The following PLAAT1 variants were observed in gnomAD, a reference collection of about 807,000 sequenced individuals.
PLAAT1 encodes H-REV107 protein-related protein.
Under a neutral mutation model 16.4 loss-of-function variants are expected in PLAAT1, and 13 were observed. The observed-to-expected ratio is 0.79, with a 90% confidence interval of 0.52 to 1.26. PLAAT1 has a LOEUF of 1.26. Among genes scored for constraint, PLAAT1 ranks in the 50% most tolerant of loss-of-function variants. The pLI is 0.00. For synonymous variants in PLAAT1, 73 were observed against 78.4 expected, an observed-to-expected ratio of 0.93 and a Z score of 0.36; for missense variants, 218 against 207.8, an observed-to-expected ratio of 1.05 and a Z score of -0.30.
chr3:193,263,879 C>T (rs1003315992), intron 3 of PLAAT1, among the ~76,000 whole-genome samples: 2 of 152,070 alleles, frequency 1.3e-5, no homozygotes, highest in South Asian at 2.1e-4. Context: ...ACAGCATGTT[C>T]GTCTTTTCCC....
At chr3:193,258,892 C>T (rs1468892363) in intron 2 of PLAAT1, among the ~76,000 whole-genome samples, 3 of 152,090 alleles carry the variant, frequency 2.0e-5, no homozygotes, top group Non-Finnish European at 4.4e-5. Flanking sequence ...GGGCTCCTTC[C>T]TAACTCATTC....
At chr3:193,241,944 A>G (rs1715771011) in intron 1 of PLAAT1, among the ~76,000 whole-genome samples, 1 of 152,152 alleles carries the variant, frequency 6.6e-6, no homozygotes, top group Non-Finnish European at 1.5e-5. Flanking sequence ...TCCTTCATTC[A>G]ATGAACATTT....
intron 2 of PLAAT1, among the ~76,000 whole-genome samples, chr3:193,261,741 C>T (rs930131832): frequency 6.6e-6 from 1 of 152,132 alleles, no homozygotes; most frequent in African/African-American, 2.4e-5. Context: ...AGGTTTGATC[C>T]TGTAGATTGA....
At chr3:193,275,384 T>C (rs1162978763), downstream of PLAAT1, 2 of 1,501,090 alleles carry the variant, frequency 1.3e-6, no homozygotes, top group East Asian at 4.5e-5. Flanking sequence ...AGCCACCTCC[T>C]TTCCCCAGGC....
downstream of PLAAT1, among the ~76,000 whole-genome samples, chr3:193,279,976 T>TAAA (rs57617984): frequency 0.58 from 34,577 of 59,794 alleles, 13,169 homozygotes; most frequent in South Asian, 0.64. Context: ...GTGTCTTTGT[T>TAAA]AAAAAAAAAA....
chr3:193,272,037 G>A (rs1012705236), downstream of PLAAT1, among the ~76,000 whole-genome samples: 1 of 152,022 alleles, frequency 6.6e-6, no homozygotes, highest in African/African-American at 2.4e-5. Context: ...GGTCTTCTGT[G>A]GGGGTGTGAG....
Position 193,241,551 on chromosome 3 carries a change from G to A in PLAAT1, c.-1+18G>A, listed in dbSNP as rs1715747691. 7 of 1,231,712 alleles carry A rather than the reference G, an allele frequency of 5.7e-6. No individual in the cohort carries two copies. The highest frequency in any genetic ancestry group is 3.1e-4 in the Middle Eastern group (1 of 3,208). The allele number at this position is 1,231,712 out of a possible 1,614,324, so 76.3% of individuals were successfully genotyped here. ...AGAGTGAGGTGTGCTGGGCGGAGTG[G>A]GGGAGGACCTCGAGGCGCCCCGGCA... On this transcript the variant is annotated intron_variant, in intron 1 of 3. Coordinates refer to ENST00000264735, the MANE Select transcript of PLAAT1 (RefSeq NM_020386.5).
chr3:193,268,543 A>C lies in PLAAT1; in HGVS notation c.406-2061A>C, dbSNP rs531960224. On this transcript the variant is annotated intron_variant, in intron 3 of 3. Transcript: ENST00000264735. ...AGCCGTGAAGTAAAAGTTCTTGTTC[A>C]TGTTGGTTCACCAAGAACATCCTGA... is the stretch of plus-strand genomic sequence containing the variant. 6.6e-5 allele frequency among the ~76,000 whole-genome samples: 10 copies of C among 152,332 alleles called. No individual in the cohort carries two copies. In the South Asian group the frequency reaches 1.9e-3, roughly 28 times the overall value.
Position 193,263,153 on chromosome 3 carries a change from A to G in PLAAT1, c.323A>G (p.Gln108Arg). ...IIKRSEFVIG[Q>R]EVAYNLLVNN... ...AAGCGGTCAGAGTTTGTAATTGGAC[A>G]GGAGGTGGCCTATAACTTACTTGTC... The change falls in exon 3 of 4, where the codon CAG becomes CGG. Residue 108 changes from glutamine to arginine, a missense_variant. By Grantham distance (43) the Gln-to-Arg change is conservative. Coordinates refer to ENST00000264735, the MANE Select transcript of PLAAT1 (RefSeq NM_020386.5). 6.2e-7 allele frequency: 1 copy of G among 1,614,196 alleles called. No homozygotes were observed. Among genetic ancestry groups the G allele is most frequent in the Non-Finnish European group, 8.5e-7 (1 of 1,180,006 alleles).
intron 1 of PLAAT1, among the ~76,000 whole-genome samples, chr3:193,243,429 G>A (rs1715856496): frequency 2.0e-5 from 3 of 152,308 alleles, no homozygotes; most frequent in Non-Finnish European, 2.9e-5. Flanking sequence ...TCCGCAACTG[G>A]AAAGGTGCAG....
chr3:193,275,955 G>T (rs1305697413), intron 2 of PLAAT1, among the ~76,000 whole-genome samples: 1 of 151,978 alleles, frequency 6.6e-6, no homozygotes, highest in African/African-American at 2.4e-5. Context: ...TCCTCAAATC[G>T]CTGTATAGCT....
At chr3:193,257,159 A>G (rs555462367) in intron 2 of PLAAT1, among the ~76,000 whole-genome samples, 1 of 152,258 alleles carries the variant, frequency 6.6e-6, no homozygotes, top group Non-Finnish European at 1.5e-5. Flanking sequence ...ATCCAACACG[A>G]AAGAGCTAAC....
downstream of PLAAT1, chr3:193,275,098 T>A: frequency 1.2e-6 from 2 of 1,614,226 alleles, no homozygotes; most frequent in South Asian, 2.2e-5. Flanking sequence ...TTGAGTTTTC[T>A]TTTTGGAATC....
At chr3:193,246,051 C>T (rs1715971368) in intron 1 of PLAAT1, among the ~76,000 whole-genome samples, 1 of 152,134 alleles carries the variant, frequency 6.6e-6, no homozygotes, top group African/African-American at 2.4e-5. Flanking sequence ...CCTTTTATTT[C>T]TTCTTCTTGC....
At chr3:193,269,087 C>T (rs571032407) in intron 3 of PLAAT1, among the ~76,000 whole-genome samples, 15 of 152,112 alleles carry the variant, frequency 9.9e-5, no homozygotes, top group Non-Finnish European at 1.3e-4. Flanking sequence ...GACTCTTCCT[C>T]TTCTTTGGGA....
intron 1 of PLAAT1, among the ~76,000 whole-genome samples, chr3:193,253,818 G>A (rs1282218006): frequency 6.6e-6 from 1 of 152,052 alleles, no homozygotes; most frequent in Non-Finnish European, 1.5e-5. Flanking sequence ...TATAAAGTGG[G>A]ATGATAACAT....
downstream of PLAAT1, among the ~76,000 whole-genome samples, chr3:193,273,362 G>A (rs1019915760): frequency 6.6e-5 from 10 of 152,298 alleles, no homozygotes; most frequent in Admixed American, 4.6e-4. Context: ...CCAGAGAGCT[G>A]TGAATACAAG....
chr3:193,246,455 G>A (rs1049949048), intron 1 of PLAAT1, among the ~76,000 whole-genome samples: 6 of 151,998 alleles, frequency 3.9e-5, no homozygotes, highest in South Asian at 2.1e-4. Flanking sequence ...ACCTCCACCC[G>A]CATCGAGCTC....
At chr3:193,249,321 T>G (rs1716105224) in intron 1 of PLAAT1, among the ~76,000 whole-genome samples, 1 of 152,020 alleles carries the variant, frequency 6.6e-6, no homozygotes. Flanking sequence ...TTTGTCAAGC[T>G]TCTGGATTTC....
Sources: allele counts gnomAD v4.1 joint callset (sites outside exome capture counted in the v4.1 genomes callset), GRCh38; gene constraint gnomAD v4.1.1; transcripts MANE v1.5; gene names NCBI Gene and HGNC (gene_info 2026-07-23, HGNC 2026-07-21).